Variants in MALRD1 observed in about 807,000 individuals in gnomAD.
MALRD1 encodes MAM and LDL receptor class A domain containing 1.
Under a neutral mutation model 242.1 loss-of-function variants are expected in MALRD1, and 247 were observed. The ratio of observed to expected loss-of-function variants is 1.02; its 90% CI spans 0.92 to 1.13. MALRD1 has a LOEUF of 1.13. Among genes scored for constraint, MALRD1 ranks in the 50% most tolerant of loss-of-function variants. The pLI is 0.00. For synonymous variants in MALRD1, 995 were observed against 866.6 expected, an observed-to-expected ratio of 1.15 and a Z score of -2.60; for missense variants, 2,989 against 2,533.1, an observed-to-expected ratio of 1.18 and a Z score of -3.86.
intron 36 of MALRD1, among the ~76,000 whole-genome samples, chr10:19,626,894 A>G (rs994413227): frequency 1.3e-5 from 2 of 152,136 alleles, no homozygotes; most frequent in African/African-American, 4.8e-5. Flanking sequence ...CAGTTGGAAA[A>G]ATAAATAAAA....
chr10:19,405,368 C>T (rs1346865479), intron 28 of MALRD1, among the ~76,000 whole-genome samples: 1 of 152,176 alleles, frequency 6.6e-6, no homozygotes, highest in Non-Finnish European at 1.5e-5. Flanking sequence ...GAGTTGTTTA[C>T]TGTGCACTGC....
chr10:19,055,537 G>A (rs891199160), intron 1 of MALRD1, among the ~76,000 whole-genome samples: 1 of 152,162 alleles, frequency 6.6e-6, no homozygotes, highest in Middle Eastern at 3.4e-3. Flanking sequence ...TATAGTTTAA[G>A]GTCTTATATT....
At chr10:19,223,918 T>G (rs1159078271) in intron 18 of MALRD1, among the ~76,000 whole-genome samples, 1 of 152,206 alleles carries the variant, frequency 6.6e-6, no homozygotes, top group Non-Finnish European at 1.5e-5. Context: ...ACGGTGTATA[T>G]GTGCCACATA....
At chr10:19,699,790 A>G (rs1264369907) in intron 38 of MALRD1, among the ~76,000 whole-genome samples, 3 of 151,814 alleles carry the variant, frequency 2.0e-5, no homozygotes, top group African/African-American at 7.3e-5. Flanking sequence ...AGTGCCACAC[A>G]CTTTTAAACG....
intron 36 of MALRD1, among the ~76,000 whole-genome samples, chr10:19,677,431 A>G (rs1020041669): frequency 5.9e-5 from 9 of 151,934 alleles, no homozygotes; most frequent in African/African-American, 2.2e-4. Flanking sequence ...GAGCTTTTTA[A>G]AAGTATATGT....
intron 31 of MALRD1, among the ~76,000 whole-genome samples, chr10:19,524,632 C>G (rs1834020060): frequency 6.6e-6 from 1 of 152,064 alleles, no homozygotes; most frequent in Non-Finnish European, 1.5e-5. Context: ...ATAAATCTGA[C>G]TCTGAAGAAT....
At chr10:19,345,461 T>G (rs10827295) in intron 24 of MALRD1, among the ~76,000 whole-genome samples, 1 of 151,886 alleles carries the variant, frequency 6.6e-6, no homozygotes, top group East Asian at 1.9e-4. Flanking sequence ...GGGTTCATTA[T>G]TATTTTCCTG....
At chr10:19,086,268 T>G (rs914420673) in intron 2 of MALRD1, among the ~76,000 whole-genome samples, 4 of 152,084 alleles carry the variant, frequency 2.6e-5, no homozygotes, top group African/African-American at 9.7e-5. Flanking sequence ...CTATTGATTC[T>G]TTTAATGATG....
chr10:19,608,043 A>G, intron 35 of MALRD1, 141 bp downstream of exon 35: 2 of 1,177,132 alleles, frequency 1.7e-6, no homozygotes, highest in African/African-American at 1.5e-5. Flanking sequence ...GGGGGCAGAA[A>G]GAATGTTGAC....
upstream of MALRD1, chr10:19,048,703 G>A (rs145084808): frequency 3.0e-4 from 98 of 331,358 alleles, no homozygotes; most frequent in Middle Eastern, 2.3e-3. Flanking sequence ...ATCATCTATA[G>A]TTAGCTAGAT....
chr10:19,320,995 C>T (rs1842893807), intron 21 of MALRD1, among the ~76,000 whole-genome samples: 1 of 151,774 alleles, frequency 6.6e-6, no homozygotes, highest in Non-Finnish European at 1.5e-5. Flanking sequence ...GGTTATATTG[C>T]AAAAATTTTC....
At chr10:19,271,248 G>A (rs1391003606) in intron 19 of MALRD1, among the ~76,000 whole-genome samples, 5 of 152,128 alleles carry the variant, frequency 3.3e-5, no homozygotes, top group African/African-American at 1.2e-4. Flanking sequence ...ATACTAGACA[G>A]CATTCAGAAT....
chr10:19,353,525 A>G (rs912863941), intron 26 of MALRD1, among the ~76,000 whole-genome samples: 1 of 152,168 alleles, frequency 6.6e-6, no homozygotes, highest in African/African-American at 2.4e-5. Context: ...TTTGGTTACA[A>G]AGAAGTTTCT....
At chr10:19,305,981 T>A (rs1186127257) in intron 21 of MALRD1, among the ~76,000 whole-genome samples, 6 of 125,434 alleles carry the variant, frequency 4.8e-5, no homozygotes, top group African/African-American at 1.8e-4. Context: ...ATGCTATATA[T>A]TATATATACT....
intron 2 of MALRD1, among the ~76,000 whole-genome samples, chr10:19,070,094 G>A (rs1351639732): frequency 1.3e-5 from 2 of 152,002 alleles, no homozygotes; most frequent in South Asian, 4.1e-4. Context: ...CTATCTTCAA[G>A]TTCTGTGATT....
At chr10:19,498,835 G>A in intron 31 of MALRD1, among the ~76,000 whole-genome samples, 189 bp downstream of exon 31, 1 of 152,134 alleles carries the variant, frequency 6.6e-6, no homozygotes, top group East Asian at 1.9e-4. Flanking sequence ...AGCTGACACT[G>A]CTACAACAAA....
intron 28 of MALRD1, among the ~76,000 whole-genome samples, chr10:19,405,770 A>G (rs1282045247): frequency 1.3e-5 from 2 of 152,138 alleles, no homozygotes; most frequent in Non-Finnish European, 1.5e-5. Flanking sequence ...AAGGAGCCAC[A>G]TGTTCTATTC....
At chr10:19,480,650 A>G (rs1201123778) in intron 29 of MALRD1, among the ~76,000 whole-genome samples, 1 of 152,220 alleles carries the variant, frequency 6.6e-6, no homozygotes, top group African/African-American at 2.4e-5. Context: ...GCAGTAGTAG[A>G]AATTGCTAAG....
intron 32 of MALRD1, among the ~76,000 whole-genome samples, chr10:19,541,355 C>T (rs1834960128): frequency 6.6e-6 from 1 of 152,102 alleles, no homozygotes; most frequent in South Asian, 2.1e-4. Context: ...AGTTTTTAAG[C>T]ATATTTAACA....
Sources: allele counts gnomAD v4.1 joint callset (sites outside exome capture counted in the v4.1 genomes callset), GRCh38; gene constraint gnomAD v4.1.1; transcripts MANE v1.5; gene names NCBI Gene and HGNC (gene_info 2026-07-23, HGNC 2026-07-21).